The following MSRB3 variants were observed in gnomAD, a reference collection of about 807,000 sequenced individuals.
MSRB3 encodes methionine sulfoxide reductase B3.
MSRB3 carries 13 observed loss-of-function variants against 21.0 expected under a neutral mutation model. That is an observed-to-expected ratio of 0.62 (90% CI 0.40 to 0.98). The LOEUF is 0.98. MSRB3 is among the 50% of genes least tolerant of loss of function. The pLI, the probability that MSRB3 is intolerant of heterozygous loss-of-function variation, is 0.00. For synonymous variants in MSRB3, 87 were observed against 88.6 expected (o/e 0.98, Z 0.10); for missense variants, 199 against 230.3 (o/e 0.86, Z 0.88).
chr12:65,322,413 C>T (rs747447366), intron 2 of MSRB3, among the ~76,000 whole-genome samples: 43 of 152,076 alleles, frequency 2.8e-4, no homozygotes, highest in Admixed American at 1.8e-3. Flanking sequence ...AATCCCAGCA[C>T]TTTGGGAGGC....
chr12:65,358,438 A>G (rs1211623753), intron 4 of MSRB3, among the ~76,000 whole-genome samples: 4 of 152,044 alleles, frequency 2.6e-5, no homozygotes, highest in East Asian at 1.9e-4. Flanking sequence ...ATTATAATCA[A>G]TACTACTTTA....
At chr12:65,350,916 C>T (rs1236177842) in intron 4 of MSRB3, among the ~76,000 whole-genome samples, 6 of 146,074 alleles carry the variant, frequency 4.1e-5, no homozygotes, top group South Asian at 4.4e-4. Context: ...GACAGAAAGT[C>T]AACAAGGATA....
At chr12:65,335,357 C>A (rs1244920729) in intron 4 of MSRB3, among the ~76,000 whole-genome samples, 1 of 152,188 alleles carries the variant, frequency 6.6e-6, no homozygotes, top group Non-Finnish European at 1.5e-5. Context: ...TGTGTTGCTA[C>A]ATTTCAAATG....
intron 1 of MSRB3, among the ~76,000 whole-genome samples, chr12:65,293,125 A>G (rs1872753673): frequency 6.6e-6 from 1 of 152,188 alleles, no homozygotes; most frequent in Non-Finnish European, 1.5e-5. Flanking sequence ...TACCTAGCTT[A>G]ATAAATGGTA....
intron 5 of MSRB3, among the ~76,000 whole-genome samples, chr12:65,424,668 A>G (rs1881485017): frequency 6.6e-6 from 1 of 152,132 alleles, no homozygotes; most frequent in South Asian, 2.1e-4. Flanking sequence ...GTGGTTGGAA[A>G]AGATGCCTGA....
At chr12:65,354,361 A>G (rs1261889688) in intron 4 of MSRB3, among the ~76,000 whole-genome samples, 1 of 152,026 alleles carries the variant, frequency 6.6e-6, no homozygotes, top group Non-Finnish European at 1.5e-5. Flanking sequence ...TTTCAGGTAC[A>G]CCAATCAGAC....
chr12:65,306,751 C>T, intron 1 of MSRB3: 1 of 777,390 alleles, frequency 1.3e-6, no homozygotes, highest in African/African-American at 1.9e-5. Context: ...GGTAGAAATA[C>T]AGGCAACAGA....
At chr12:65,381,862 T>G (rs1322377914) in intron 5 of MSRB3, among the ~76,000 whole-genome samples, 1 of 152,054 alleles carries the variant, frequency 6.6e-6, no homozygotes, top group Non-Finnish European at 1.5e-5. Flanking sequence ...TATATTGTAT[T>G]CGATGTTGCA....
intron 4 of MSRB3, among the ~76,000 whole-genome samples, chr12:65,339,067 A>C (rs1875968813): frequency 6.6e-6 from 1 of 152,210 alleles, no homozygotes; most frequent in Non-Finnish European, 1.5e-5. Flanking sequence ...ACAGAGCAAG[A>C]TTCTGTCTCA....
chr12:65,337,133 C>G (rs1397989623), intron 4 of MSRB3, among the ~76,000 whole-genome samples: 4 of 152,088 alleles, frequency 2.6e-5, no homozygotes, highest in African/African-American at 9.7e-5. Flanking sequence ...GTCCCAGCTA[C>G]TCGGGAGGCT....
In MSRB3 at chr12:65,466,570, A is replaced by C. The variant is rs1210015048; in HGVS notation, c.*3248A>C. On this transcript the variant is annotated 3_prime_UTR_variant, in exon 7 of 7. Coordinates refer to ENST00000308259, the MANE Select transcript of MSRB3 (RefSeq NM_001031679.3). The stretch of plus-strand genomic sequence containing the variant: ...TTACATTCAAGCAGAATGGATCTGA[A>C]GAAAGCAGCAATATCTGTTACTAGA... 2 of 152,200 alleles carry C rather than the reference A, an allele frequency of 1.3e-5. No individual in the cohort carries two copies. The highest frequency in any genetic ancestry group is 1.5e-5 in the Non-Finnish European group (1 of 68,046). The allele number at this position is 152,200 out of a possible 1,614,324, so 9.4% of individuals were successfully genotyped here. A position where few individuals can be genotyped will look rare whatever the true frequency, so the allele number is the denominator to read the frequency against.
intron 6 of MSRB3, among the ~76,000 whole-genome samples, chr12:65,459,144 A>G (rs6581637): frequency 0.036 from 5,466 of 152,236 alleles, 194 homozygotes; most frequent in African/African-American, 0.084. Flanking sequence ...AGATCTCTGA[A>G]TTTACCCACG....
intron 1 of MSRB3, among the ~76,000 whole-genome samples, chr12:65,282,581 G>A (rs1306381603): frequency 6.6e-6 from 1 of 152,062 alleles, no homozygotes; most frequent in Non-Finnish European, 1.5e-5. Flanking sequence ...GAAGTCAAAT[G>A]CAGGCAGACC....
intron 5 of MSRB3, among the ~76,000 whole-genome samples, chr12:65,410,421 C>T (rs534128801): frequency 8.5e-5 from 13 of 152,048 alleles, no homozygotes; most frequent in African/African-American, 2.9e-4. Context: ...TTTGGGAGGC[C>T]GAGGCAGGCG....
intron 2 of MSRB3, among the ~76,000 whole-genome samples, chr12:65,318,280 T>A (rs1172047131): frequency 1.3e-5 from 2 of 152,118 alleles, no homozygotes; most frequent in African/African-American, 4.8e-5. Flanking sequence ...CAATATATAT[T>A]TTATTTTGTT....
At chr12:65,329,057 T>C (rs1169532583) in intron 4 of MSRB3, among the ~76,000 whole-genome samples, 2 of 152,214 alleles carry the variant, frequency 1.3e-5, no homozygotes, top group Admixed American at 6.5e-5. Flanking sequence ...GAATGTAACA[T>C]GGGAACATAC....
At chr12:65,374,199 T>C (rs1447239667) in intron 5 of MSRB3, among the ~76,000 whole-genome samples, 3 of 152,188 alleles carry the variant, frequency 2.0e-5, no homozygotes, top group Admixed American at 6.5e-5. Context: ...TTTAAACTCA[T>C]AACATTGAAG....
Position 65,297,620 on chromosome 12 carries a change from T to C in MSRB3, c.-51-10909T>C, listed in dbSNP as rs190204882. On this transcript the variant is annotated intron_variant, in intron 1 of 6. Coordinates refer to ENST00000308259, the MANE Select transcript of MSRB3 (RefSeq NM_001031679.3). ...ATAGTGTACCAGAGAGCGTTGAGGATTGAGGTTCTATACTTAGGAAAAGAA... is the reference window on the plus strand; with the variant it reads ...ATAGTGTACCAGAGAGCGTTGAGGACTGAGGTTCTATACTTAGGAAAAGAA... Among the ~76,000 whole-genome samples, 15 of 152,238 alleles carry C rather than the reference T, an allele frequency of 9.9e-5. No homozygotes were observed. The East Asian group carries it at 2.7e-3, about 27-fold the overall frequency.
At chr12:65,326,989 C>A in intron 3 of MSRB3, 55 bp downstream of exon 3, 2 of 1,284,830 alleles carry the variant, frequency 1.6e-6, no homozygotes, top group Non-Finnish European at 2.2e-6. Context: ...CTCCCCCTGC[C>A]CTCTGCAGTG....
Sources: allele counts gnomAD v4.1 joint callset (sites outside exome capture counted in the v4.1 genomes callset), GRCh38; gene constraint gnomAD v4.1.1; transcripts MANE v1.5; gene names NCBI Gene and HGNC (gene_info 2026-07-23, HGNC 2026-07-21).